Variants in CDH23 observed in about 807,000 individuals in gnomAD.
The protein encoded by CDH23 is cadherin-23.
A neutral mutation model predicts 317.1 loss-of-function variants in CDH23; 189 were observed. The observed-to-expected ratio is 0.60, with a 90% CI of 0.53 to 0.67. CDH23 has a LOEUF of 0.67. Among genes scored for constraint, CDH23 ranks in the 30% least tolerant of loss-of-function variants. The probability of loss-of-function intolerance (pLI) is 0.00; values close to 1 mark genes in which losing one functional copy is unlikely to be tolerated. For synonymous variants in CDH23, 1,839 were observed against 1,876.8 expected, an observed-to-expected ratio of 0.98 and a Z score of 0.52; for missense variants, 4,401 against 4,592.4, an observed-to-expected ratio of 0.96 and a Z score of 1.20.
At chr10:71,446,248 G>A (rs1271409877) in intron 2 of CDH23, 70 bp from the exon 3 acceptor site, 1 of 1,440,712 alleles carries the variant, frequency 6.9e-7, no homozygotes, top group Non-Finnish European at 9.8e-7. Flanking sequence ...CCCTCACCCT[G>A]TGTCACCTTA....
At chr10:71,567,298 C>G (rs1413925390) in intron 7 of CDH23, among the ~76,000 whole-genome samples, 2 of 152,246 alleles carry the variant, frequency 1.3e-5, no homozygotes, top group Non-Finnish European at 2.9e-5. Context: ...TTGAGACATT[C>G]TTAGTGCAGA....
chr10:71,622,368 C>A (rs1397381669), intron 11 of CDH23, among the ~76,000 whole-genome samples: 2 of 152,188 alleles, frequency 1.3e-5, no homozygotes, highest in Admixed American at 1.3e-4. Flanking sequence ...CACTGGCAGT[C>A]CTGTTTTCCC....
At chr10:71,792,564 C>T (rs1841280271) in intron 47 of CDH23, among the ~76,000 whole-genome samples, 1 of 151,862 alleles carries the variant, frequency 6.6e-6, no homozygotes, top group African/African-American at 2.4e-5. Flanking sequence ...GTGGCTCACG[C>T]CTGTAATCCC....
At chr10:71,625,396 T>TAAAAAAAAA (rs1156772192) in intron 11 of CDH23, among the ~76,000 whole-genome samples, 1 of 19,798 alleles carries the variant, frequency 5.1e-5, no homozygotes, top group African/African-American at 1.6e-4. Flanking sequence ...CCAAATAAAT[T>TAAAAAAAAA]AAAAAAAAAA....
At chr10:71,675,297 G>C (rs1345637739) in intron 15 of CDH23, 121 bp downstream of exon 15, 3 of 789,944 alleles carry the variant, frequency 3.8e-6, no homozygotes, top group African/African-American at 1.7e-5. Context: ...TGTGGCTAGA[G>C]CACTGGACTG....
At chr10:71,647,660 G>A (rs928699984) in intron 14 of CDH23, 2 of 152,176 alleles carry the variant, frequency 1.3e-5, no homozygotes, top group African/African-American at 4.8e-5. Flanking sequence ...GATTCTCATC[G>A]GCCCAGTTGG....
chr10:71,410,723 A>G (rs1457459187), intron 1 of CDH23, among the ~76,000 whole-genome samples: 3 of 152,202 alleles, frequency 2.0e-5, no homozygotes, highest in Non-Finnish European at 4.4e-5. Context: ...TTTGAACTTT[A>G]TATAAGTTGA....
chr10:71,400,874 C>T (rs1847748466), intron 1 of CDH23, among the ~76,000 whole-genome samples: 1 of 152,094 alleles, frequency 6.6e-6, no homozygotes, highest in Non-Finnish European at 1.5e-5. Flanking sequence ...TTCTTGAACC[C>T]CCAGGTCTTA....
At chr10:71,755,226 G>T in intron 38 of CDH23, 1 of 877,284 alleles carries the variant, frequency 1.1e-6, no homozygotes, top group Non-Finnish European at 1.8e-6. Flanking sequence ...GGCGGGAAGT[G>T]CAGCTGCTCC....
chr10:71,611,263 C>T (rs910445134), intron 9 of CDH23, among the ~76,000 whole-genome samples: 16 of 152,286 alleles, frequency 1.1e-4, no homozygotes, highest in Middle Eastern at 3.4e-3. Flanking sequence ...CCCCTCCGCA[C>T]CCACCATCCT....
chr10:71,404,820 C>T (rs1564559813), intron 1 of CDH23, among the ~76,000 whole-genome samples: 2 of 152,292 alleles, frequency 1.3e-5, no homozygotes, highest in Admixed American at 6.5e-5. Context: ...TTGAGGCAGG[C>T]GGTTAGCGAT....
intron 1 of CDH23, among the ~76,000 whole-genome samples, chr10:71,413,438 T>A (rs111737817): frequency 3.3e-5 from 5 of 152,334 alleles, no homozygotes; most frequent in African/African-American, 9.6e-5. Flanking sequence ...TTTTGTTTTT[T>A]CAAGATCGTT....
At chr10:71,607,100 G>C (rs7090238) in intron 9 of CDH23, among the ~76,000 whole-genome samples, 3 of 152,242 alleles carry the variant, frequency 2.0e-5, no homozygotes, top group African/African-American at 7.2e-5. Context: ...TCTTGCTCAA[G>C]GCCCATATCT....
chr10:71,699,394 G>C (rs1034595265), intron 22 of CDH23, among the ~76,000 whole-genome samples: 11 of 152,278 alleles, frequency 7.2e-5, no homozygotes, highest in African/African-American at 2.7e-4. Flanking sequence ...GGCAACCCCA[G>C]TGATTTTCAG....
intron 30 of CDH23, among the ~76,000 whole-genome samples, chr10:71,727,393 C>T (rs1866863633): frequency 6.6e-6 from 1 of 152,228 alleles, no homozygotes; most frequent in Non-Finnish European, 1.5e-5. Flanking sequence ...AGGGCTGGCC[C>T]CTGGGGCAGG....
intron 9 of CDH23, among the ~76,000 whole-genome samples, chr10:71,604,417 C>T (rs1860411994): frequency 2.0e-5 from 3 of 152,226 alleles, no homozygotes; most frequent in Admixed American, 2.0e-4. Flanking sequence ...CGCAGCGGGC[C>T]CACAAGAAAC....
intron 8 of CDH23, among the ~76,000 whole-genome samples, chr10:71,577,065 G>A (rs756702154): frequency 5.9e-5 from 9 of 152,132 alleles, no homozygotes; most frequent in Non-Finnish European, 8.8e-5. Flanking sequence ...CCATCTGTAC[G>A]ACCATTCGCC....
Position 71,732,190 on chromosome 10 carries a change from C to G in CDH23, c.3919C>G (p.Leu1307Val), listed in dbSNP as rs1839413510. ...CSVYITLLNE[L>V]DEAVQFSNAS... The stretch of plus-strand genomic sequence containing the variant: ...CGTCTACATCACTCTGCTCAACGAG[C>G]TGGACGAGGCCGTGCAGTTCTCCAA... The change falls in exon 32 of 70, where the codon CTG (leucine) becomes GTG (valine). Residue 1307 changes from leucine to valine, a missense_variant. Around this residue, in one of 3 missense-constraint regions of CDH23, gnomAD observed 3,068 missense variants for 3,203.3 expected, o/e 0.96. Transcript: ENST00000224721. 1.9e-6 allele frequency: 3 copies of G among 1,613,926 alleles called. No individual in the cohort carries two copies. The highest frequency in any genetic ancestry group is 2.5e-6 in the Non-Finnish European group (3 of 1,179,826).
chr10:71,753,880 G>T (rs1840067615), intron 38 of CDH23: 2 of 456,418 alleles, frequency 4.4e-6, no homozygotes, highest in East Asian at 6.9e-5. Context: ...CATGGGTCAG[G>T]CTTCGTGCAG....
Sources: gnomAD v4.1 joint callset for allele counts (sites outside exome capture counted in the v4.1 genomes callset) on GRCh38, gnomAD v4.1.1 for gene constraint, gnomAD v4.1.1 regional missense constraint, MANE v1.5 for transcripts, NCBI Gene and HGNC (gene_info 2026-07-23, HGNC 2026-07-21) for gene names.